KCNIP4: variants seen among roughly 807,000 people sequenced by gnomAD.
The protein encoded by KCNIP4 is potassium voltage-gated channel interacting protein 4, also known as Kv channel-interacting protein 4.
In KCNIP4, 12 loss-of-function variants were observed where a neutral mutation model predicts 34.0. The ratio of observed to expected loss-of-function variants is 0.35; its 90% CI spans 0.23 to 0.57. The LOEUF is 0.57. KCNIP4 is among the 20% of genes least tolerant of loss of function. The pLI is 0.83. For missense variants in KCNIP4, 238 were observed against 311.7 expected (o/e 0.76, Z 1.78); for synonymous variants, 124 against 102.2 (o/e 1.21, Z -1.29).
intron 1 of KCNIP4, among the ~76,000 whole-genome samples, chr4:20,978,056 T>C (rs1484961515): frequency 6.6e-6 from 1 of 152,186 alleles, no homozygotes; most frequent in Admixed American, 6.5e-5. Flanking sequence ...TAAACGTTTT[T>C]CCAGTTACAG....
chr4:21,673,503 A>C (rs934552846), intron 1 of KCNIP4, among the ~76,000 whole-genome samples: 1 of 152,162 alleles, frequency 6.6e-6, no homozygotes, highest in East Asian at 1.9e-4. Context: ...ATAAGAATAA[A>C]ATATTTTATT....
intron 1 of KCNIP4, among the ~76,000 whole-genome samples, chr4:21,890,685 T>G (rs1727040964): frequency 6.6e-6 from 1 of 152,134 alleles, no homozygotes; most frequent in Admixed American, 6.6e-5. Flanking sequence ...GCACATCATG[T>G]CTATTATATT....
chr4:20,872,079 A>C (rs906633637), intron 2 of KCNIP4, among the ~76,000 whole-genome samples: 1 of 152,108 alleles, frequency 6.6e-6, no homozygotes, highest in African/African-American at 2.4e-5. Flanking sequence ...TGATTTTGAC[A>C]CTGATCCTTC....
At chr4:21,255,779 G>T (rs535301850) in intron 1 of KCNIP4, among the ~76,000 whole-genome samples, 3 of 152,304 alleles carry the variant, frequency 2.0e-5, no homozygotes, top group Admixed American at 1.3e-4. Context: ...AAACACTGGG[G>T]TATAAAGATG....
chr4:21,469,514 CA>C (rs1204845207), intron 1 of KCNIP4, among the ~76,000 whole-genome samples: 3 of 152,142 alleles, frequency 2.0e-5, no homozygotes, highest in Non-Finnish European at 4.4e-5. Context: ...AACATGATTA[CA>C]AGCATCTTTT....
At position 21,036,648 on chromosome 4, in the gene KCNIP4, T is replaced by C. The variant is rs1187519714; in HGVS notation, c.62-153939A>G. Among the ~76,000 whole-genome samples, 8 of 152,110 alleles carry C rather than the reference T, an allele frequency of 5.3e-5. 1 individual carries two copies. The highest frequency in any genetic ancestry group is 1.0e-4 in the Non-Finnish European group (7 of 68,026). On this transcript the variant is annotated intron_variant, in intron 1 of 8. Coordinates refer to ENST00000382152, the MANE Select transcript of KCNIP4 (RefSeq NM_025221.6). ...GGCTGAGGCAGTACAATTGCTTGAA[T>C]TGGGGAGGCGGAGGTTGCAGTGAGC...
intron 1 of KCNIP4, among the ~76,000 whole-genome samples, chr4:21,267,971 T>C (rs1761920106): frequency 6.6e-6 from 1 of 152,030 alleles, no homozygotes; most frequent in Non-Finnish European, 1.5e-5. Flanking sequence ...TGTGAATCCA[T>C]CTGGTCCTGG....
chr4:21,545,746 G>A (rs1407461023), intron 1 of KCNIP4, among the ~76,000 whole-genome samples: 2 of 152,120 alleles, frequency 1.3e-5, no homozygotes, highest in Admixed American at 6.5e-5. Flanking sequence ...AGTATTCCAT[G>A]GTGTATATGT....
chr4:21,841,670 T>C (rs1723689434), intron 1 of KCNIP4, among the ~76,000 whole-genome samples: 1 of 152,152 alleles, frequency 6.6e-6, no homozygotes. Context: ...ATGAAATCTA[T>C]AGGTCAAAAT....
chr4:21,107,388 A>G (rs1313021138), intron 1 of KCNIP4, among the ~76,000 whole-genome samples: 10 of 149,906 alleles, frequency 6.7e-5, no homozygotes, highest in African/African-American at 1.5e-4. Context: ...TTGCTGGTTT[A>G]AAGTCTGTTT....
rs544606536 is a variant in KCNIP4, at chr4:21,664,866, CAT to C, written c.61+283703_61+283704del. Among the ~76,000 whole-genome samples the C allele has an allele frequency of 4.2e-4, 64 of 152,130 alleles. No homozygotes were observed. In the South Asian group the frequency reaches 7.9e-3, roughly 19 times the overall value. ...CATTGTTTTTGCATTAAATGTTTTC[CAT>C]ATATAATTATAAAATTATCACAATA... is the stretch of plus-strand genomic sequence containing the variant. On this transcript the variant is annotated intron_variant, in intron 1 of 8. Coordinates refer to ENST00000382152, the MANE Select transcript of KCNIP4 (RefSeq NM_025221.6).
rs1577493274 is a variant in KCNIP4 at position 20,988,730 on chromosome 4, A to G, written c.62-106021T>C. Among the ~76,000 whole-genome samples the G allele has an allele frequency of 4.6e-5, 7 of 152,356 alleles. No homozygotes were observed. In the South Asian group the frequency reaches 1.4e-3, roughly 32 times the overall value. On this transcript the variant is annotated intron_variant, in intron 1 of 8. Transcript: ENST00000382152. ...GAAGGGAATCAGAAAATGTTACTCCAAAATATGTCCTTTGGCATAAGGGTT... is the reference window on the plus strand; with the variant it reads ...GAAGGGAATCAGAAAATGTTACTCCGAAATATGTCCTTTGGCATAAGGGTT...
intron 1 of KCNIP4, among the ~76,000 whole-genome samples, chr4:21,910,185 A>T (rs1728226308): frequency 6.6e-6 from 1 of 152,148 alleles, no homozygotes; most frequent in Admixed American, 6.6e-5. Context: ...ACCCAAAAGA[A>T]GGAGATGAGG....
In KCNIP4 at chr4:20,729,993, A is replaced by AGCAATCTATGCTAAAAGTGGTAGCTC. The variant is rs1312970178; in HGVS notation, c.*63_*88dup. On this transcript the variant is annotated 3_prime_UTR_variant, in exon 9 of 9. Transcript: ENST00000382152. ...CATAATATGCTTCAGTGTCAAGCTG[A>AGCAATCTATGCTAAAAGTGGTAGCTC]GCAATCTATGCTAAAAGTGGTAGCT... 1.4e-6 allele frequency: 2 copies of AGCAATCTATGCTAAAAGTGGTAGCTC among 1,448,230 alleles called. No homozygotes were observed. The highest frequency in any genetic ancestry group is 2.9e-5 in the African/African-American group (2 of 69,756). The allele number at this position is 1,448,230 out of a possible 1,614,324, so 89.7% of individuals were successfully genotyped here. A position where few individuals can be genotyped will look rare whatever the true frequency, so the allele number is the denominator to read the frequency against.
intron 1 of KCNIP4, among the ~76,000 whole-genome samples, chr4:21,855,004 T>G (rs1426531409): frequency 6.6e-6 from 1 of 152,208 alleles, no homozygotes; most frequent in Non-Finnish European, 1.5e-5. Context: ...TTTCATTCCC[T>G]GCTCTATCAT....
At chr4:20,821,802 A>G (rs1302351944) in intron 3 of KCNIP4, among the ~76,000 whole-genome samples, 1 of 152,156 alleles carries the variant, frequency 6.6e-6, no homozygotes, top group African/African-American at 2.4e-5. Flanking sequence ...TTGCTGCAAA[A>G]GACATTTTTC....
intron 1 of KCNIP4, among the ~76,000 whole-genome samples, chr4:20,990,697 C>A (rs934336693): frequency 6.6e-6 from 1 of 152,088 alleles, no homozygotes; most frequent in African/African-American, 2.4e-5. Flanking sequence ...ACATTTTTGC[C>A]ATAATTTCTT....
Position 21,625,271 on chromosome 4 carries a change from T to C in KCNIP4, c.61+323300A>G, listed in dbSNP as rs896028416. ...CAGATAACAATTGTATTTACCTCCA[T>C]AGGGTATGCTGAATGTTAAATATGT... On this transcript the variant is annotated intron_variant, in intron 1 of 8. Transcript: ENST00000382152. Among the ~76,000 whole-genome samples the C allele has an allele frequency of 6.6e-5, 10 of 152,136 alleles. 1 individual carries two copies. The highest frequency in any genetic ancestry group is 5.2e-4 in the Admixed American group (8 of 15,254).
intron 1 of KCNIP4, among the ~76,000 whole-genome samples, chr4:21,217,560 G>C (rs1373864766): frequency 6.6e-6 from 1 of 152,206 alleles, no homozygotes; most frequent in Non-Finnish European, 1.5e-5. Context: ...GAAAGTGAGA[G>C]ATGATTGACC....
Sources: gnomAD v4.1 joint callset for allele counts (sites outside exome capture counted in the v4.1 genomes callset) on GRCh38, gnomAD v4.1.1 for gene constraint, MANE v1.5 for transcripts, NCBI Gene and HGNC (gene_info 2026-07-23, HGNC 2026-07-21) for gene names.